LSAMP: variants seen among roughly 807,000 people sequenced by gnomAD.
LSAMP encodes limbic system associated membrane protein, also known as limbic system-associated membrane protein.
LSAMP carries 7 observed loss-of-function variants against 38.6 expected under a neutral mutation model. The ratio of observed to expected loss-of-function variants is 0.18; its 90% CI spans 0.10 to 0.34. The LOEUF (loss-of-function observed/expected upper bound fraction) is 0.34, where lower values mean the gene tolerates loss of function less well. LSAMP is among the 10% of genes least tolerant of loss of function. LSAMP has a pLI of 1.00. For synonymous variants in LSAMP, 154 were observed against 166.8 expected, an observed-to-expected ratio of 0.92 and a Z score of 0.59; for missense variants, 313 against 420.0, an observed-to-expected ratio of 0.75 and a Z score of 2.23.
chr3:115,989,437 G>A (rs183544155), intron 3 of LSAMP, among the ~76,000 whole-genome samples: 33 of 152,190 alleles, frequency 2.2e-4, no homozygotes, highest in African/African-American at 7.7e-4. Flanking sequence ...CACTACATTA[G>A]TATTACATCT....
intron 3 of LSAMP, among the ~76,000 whole-genome samples, chr3:115,994,168 C>T (rs1007090380): frequency 6.6e-6 from 1 of 152,054 alleles, no homozygotes; most frequent in East Asian, 1.9e-4. Context: ...ATGGCATCAG[C>T]TCTTCAACTC....
intron 1 of LSAMP, among the ~76,000 whole-genome samples, chr3:116,286,356 C>T (rs1045543779): frequency 2.6e-5 from 4 of 152,164 alleles, no homozygotes; most frequent in African/African-American, 9.7e-5. Flanking sequence ...AATACATTAT[C>T]TGCTGGGGTT....
chr3:116,123,043 G>A (rs1708919193), intron 1 of LSAMP, among the ~76,000 whole-genome samples: 2 of 152,242 alleles, frequency 1.3e-5, no homozygotes, highest in Admixed American at 6.5e-5. Flanking sequence ...CTTTCTGATC[G>A]AGAAAAGTCA....
At chr3:116,078,771 G>A (rs988139565) in intron 2 of LSAMP, among the ~76,000 whole-genome samples, 1 of 152,066 alleles carries the variant, frequency 6.6e-6, no homozygotes, top group African/African-American at 2.4e-5. Context: ...GGCATGACTC[G>A]TCATTTTTTT....
chr3:116,207,272 T>C (rs1343895156), intron 1 of LSAMP, among the ~76,000 whole-genome samples: 4 of 152,182 alleles, frequency 2.6e-5, no homozygotes, highest in Admixed American at 1.3e-4. Context: ...TCTTCCTCCA[T>C]CCTTTTATTT....
At chr3:116,444,013 CTCT>C (rs2049470033) in intron 1 of LSAMP, among the ~76,000 whole-genome samples, 1 of 152,166 alleles carries the variant, frequency 6.6e-6, no homozygotes, top group African/African-American at 2.4e-5. Flanking sequence ...GGACTTGGGA[CTCT>C]TCTTTCCAAA....
At chr3:115,896,622 T>C (rs1936734903) in intron 3 of LSAMP, among the ~76,000 whole-genome samples, 1 of 152,116 alleles carries the variant, frequency 6.6e-6, no homozygotes, top group Non-Finnish European at 1.5e-5. Flanking sequence ...ATTCATTTAA[T>C]CAAAACTGTG....
rs530364717 is a variant in LSAMP at position 116,332,179 on chromosome 3, C to A, written c.155+112698G>T. 2.6e-5 allele frequency among the ~76,000 whole-genome samples: 4 copies of A among 152,086 alleles called. No homozygotes were observed. The South Asian group carries it at 8.3e-4, about 32-fold the overall frequency. ...CTGCATGATTTAAAAGTCATGATTT[C>A]TGCATGATAGAAATTATTAATATAA... On this transcript the variant is annotated intron_variant, in intron 1 of 6. Transcript: ENST00000490035.
intron 3 of LSAMP, among the ~76,000 whole-genome samples, chr3:115,860,612 A>G (rs1935646820): frequency 6.6e-6 from 1 of 152,190 alleles, no homozygotes; most frequent in Non-Finnish European, 1.5e-5. Context: ...CCAATAAATG[A>G]GGGGAAAAAA....
intron 3 of LSAMP, among the ~76,000 whole-genome samples, chr3:115,998,210 G>A (rs1939883665): frequency 6.6e-6 from 1 of 151,930 alleles, no homozygotes; most frequent in African/African-American, 2.4e-5. Context: ...ACCAAATTAT[G>A]TAGGGCCATA....
chr3:115,874,330 T>G (rs200770695), intron 3 of LSAMP, among the ~76,000 whole-genome samples: 2 of 152,140 alleles, frequency 1.3e-5, no homozygotes, highest in East Asian at 1.9e-4. Context: ...TTCTCCTGCT[T>G]CTTCTTCCTA....
chr3:116,286,441 T>C (rs2047195327), intron 1 of LSAMP, among the ~76,000 whole-genome samples: 1 of 152,184 alleles, frequency 6.6e-6, no homozygotes. Context: ...GATTTGTCTT[T>C]AATAACATTC....
rs543465752 is a variant in LSAMP, at chr3:116,419,388, G to T, written c.155+25489C>A. On this transcript the variant is annotated intron_variant, in intron 1 of 6. Transcript: ENST00000490035. ...TTACCGATTTCATTTGGAAGTTATA[G>T]AATAGATAATCCCCTGTGTTTCTAG... 1.1e-4 allele frequency among the ~76,000 whole-genome samples: 16 copies of T among 152,250 alleles called. No individual in the cohort carries two copies. The South Asian group carries it at 3.3e-3, about 32-fold the overall frequency.
chr3:116,025,463 T>A (rs1258989366), intron 2 of LSAMP, among the ~76,000 whole-genome samples: 1 of 152,202 alleles, frequency 6.6e-6, no homozygotes, highest in Non-Finnish European at 1.5e-5. Flanking sequence ...GTTGTATCTA[T>A]TGATCGCTCT....
At chr3:116,184,240 C>T (rs1274497713) in intron 1 of LSAMP, among the ~76,000 whole-genome samples, 1 of 151,784 alleles carries the variant, frequency 6.6e-6, no homozygotes, top group Non-Finnish European at 1.5e-5. Context: ...TTAACTTTAC[C>T]ACAACCCAAT....
At chr3:116,162,764 CTT>C (rs1709928251) in intron 1 of LSAMP, among the ~76,000 whole-genome samples, 1 of 61,622 alleles carries the variant, frequency 1.6e-5, no homozygotes, top group Non-Finnish European at 3.4e-5. Context: ...TATACACACA[CTT>C]ATACACACAC....
rs114536104 is a variant in LSAMP, at chr3:115,853,639, G to A, written c.515-1022C>T. On this transcript the variant is annotated intron_variant, in intron 3 of 6. Transcript: ENST00000490035. ...AGAGGAAAAGAAGGTGATTGAGGAA[G>A]GAGAAGGTGAAAGAGGAAAGAGAAG... 4.9e-3 allele frequency among the ~76,000 whole-genome samples: 742 copies of A among 152,272 alleles called. 6 individuals are homozygous for A. The highest frequency in any genetic ancestry group is 0.016 in the African/African-American group (661 of 41,530).
chr3:116,198,628 G>A (rs533114011), intron 1 of LSAMP, among the ~76,000 whole-genome samples: 1 of 152,014 alleles, frequency 6.6e-6, no homozygotes, highest in Non-Finnish European at 1.5e-5. Flanking sequence ...AAAATTAGCC[G>A]GGCTTCGTAG....
chr3:116,125,199 A>G (rs1212172096), intron 1 of LSAMP, among the ~76,000 whole-genome samples: 1 of 152,186 alleles, frequency 6.6e-6, no homozygotes, highest in Non-Finnish European at 1.5e-5. Flanking sequence ...CAGTTCTGAA[A>G]TGTCAACATA....
Sources: allele counts gnomAD v4.1 joint callset (sites outside exome capture counted in the v4.1 genomes callset), GRCh38; gene constraint gnomAD v4.1.1; transcripts MANE v1.5; gene names NCBI Gene and HGNC (gene_info 2026-07-23, HGNC 2026-07-21).